Variants in RHOT1 observed in about 807,000 individuals in gnomAD.
RHOT1 encodes ras homolog family member T1.
A neutral mutation model predicts 95.3 loss-of-function variants in RHOT1; 27 were observed. The observed-to-expected ratio is 0.28, with a 90% CI of 0.21 to 0.39. The LOEUF (loss-of-function observed/expected upper bound fraction) is 0.39. Ranked by LOEUF, RHOT1 falls within the 10% of genes least tolerant of loss-of-function variation. The pLI is 1.00. For synonymous variants in RHOT1, 227 were observed against 263.5 expected (o/e 0.86, Z 1.34); for missense variants, 578 against 786.7 (o/e 0.73, Z 3.17).
chr17:32,211,682 AAAC>A (rs149585434), intron 19 of RHOT1, among the ~76,000 whole-genome samples: 1,715 of 152,284 alleles, frequency 0.011, 32 homozygotes, highest in African/African-American at 0.039. Flanking sequence ...TTTGAGTTTG[AAAC>A]AATATTCTAT....
rs2037509359 is a variant in RHOT1 at position 32,203,926 on chromosome 17, T to C, written c.1369T>C (p.Tyr457His). Residue 457 changes from tyrosine to histidine, a missense_variant, in exon 16 of 20, where the codon TAT becomes CAT. Physicochemically the swap from Tyr to His is moderately conservative, Grantham distance 83. This residue lies in a region of RHOT1 where 296 missense variants were observed against 338.5 expected (regional missense o/e 0.87). Transcript: ENST00000545287. The stretch of plus-strand genomic sequence containing the variant: ...AATTCGTGAAGATCATAAATCCTAC[T>C]ATGCGATTAACACTGTTTATGTATA... ...KKIREDHKSY[Y>H]AINTVYVYGQ... 1 of 1,613,052 alleles carries C rather than the reference T, an allele frequency of 6.2e-7. No individual in the cohort carries two copies.
Position 32,175,949 on chromosome 17 carries a change from A to T in RHOT1, c.223-13A>T. 1.3e-6 allele frequency: 2 copies of T among 1,518,492 alleles called. No individual in the cohort carries two copies. Among genetic ancestry groups the T allele is most frequent in the Non-Finnish European group, 1.8e-6 (2 of 1,130,686 alleles). The allele number at this position is 1,518,492 out of a possible 1,614,324, so 94.1% of individuals were successfully genotyped here. On this transcript the variant is annotated splice_polypyrimidine_tract_variant and intron_variant, in intron 4 of 19. Transcript: ENST00000545287. ...ATTTTTAGATACGATTAATTTGTTAATTTTTCTTCTAGGCTAATGTCATCT... is the reference window on the plus strand; with the variant it reads ...ATTTTTAGATACGATTAATTTGTTATTTTTTCTTCTAGGCTAATGTCATCT...
rs555209974 is a variant in RHOT1, at chr17:32,213,031, G to A, written c.1862+1793G>A. On this transcript the variant is annotated intron_variant, in intron 19 of 19. Transcript: ENST00000545287. The stretch of plus-strand genomic sequence containing the variant: ...GCAGCTGTTTTTCACAATTAGGACA[G>A]CATCTGTCTAGGGCATGAATTAACT... Among the ~76,000 whole-genome samples the A allele has an allele frequency of 7.9e-5, 12 of 152,238 alleles. No homozygotes were observed. In the South Asian group the frequency reaches 2.5e-3, roughly 32 times the overall value.
chr17:32,166,711 G>C (rs1185704202), intron 1 of RHOT1, among the ~76,000 whole-genome samples: 1 of 152,142 alleles, frequency 6.6e-6, no homozygotes, highest in Non-Finnish European at 1.5e-5. Context: ...CTCTTCATCT[G>C]TTCAAGTTTT....
intron 3 of RHOT1, among the ~76,000 whole-genome samples, chr17:32,174,968 T>C (rs2034876688): frequency 6.6e-6 from 1 of 152,218 alleles, no homozygotes; most frequent in Admixed American, 6.5e-5. Flanking sequence ...CTTTTGATCC[T>C]GTGTGTATAG....
At chr17:32,215,547 T>C (rs2038416757) in intron 19 of RHOT1, among the ~76,000 whole-genome samples, 1 of 146,208 alleles carries the variant, frequency 6.8e-6, no homozygotes, top group South Asian at 2.3e-4. Flanking sequence ...ATTTTTTAAC[T>C]TTGGTTATAT....
chr17:32,152,899 G>GCTCA (rs2032494574), intron 1 of RHOT1, among the ~76,000 whole-genome samples: 1 of 151,950 alleles, frequency 6.6e-6, no homozygotes, highest in Non-Finnish European at 1.5e-5. Flanking sequence ...GACTTCCTGG[G>GCTCA]CTCAGGTGAT....
intron 1 of RHOT1, among the ~76,000 whole-genome samples, chr17:32,164,270 C>T (rs1260189184): frequency 7.2e-5 from 11 of 151,920 alleles, no homozygotes; most frequent in South Asian, 2.1e-4. Context: ...AGTGTCGCTC[C>T]GTCGCCAGGC....
chr17:32,159,936 T>C (rs1231236589), intron 1 of RHOT1: 1 of 152,264 alleles, frequency 6.6e-6, no homozygotes, highest in African/African-American at 2.4e-5. Flanking sequence ...CAGACCAGTG[T>C]GGGAACTTGT....
At chr17:32,210,048 C>T (rs2038021176) in intron 18 of RHOT1, among the ~76,000 whole-genome samples, 2 of 151,888 alleles carry the variant, frequency 1.3e-5, no homozygotes, top group Non-Finnish European at 2.9e-5. Flanking sequence ...TGGAATGCTG[C>T]TAATCGTTAC....
chr17:32,173,054 C>T (rs2034704894), intron 2 of RHOT1: 1 of 152,168 alleles, frequency 6.6e-6, no homozygotes, highest in Non-Finnish European at 1.5e-5. Context: ...ATCCAAGAAT[C>T]CACTGAGTCT....
intron 10 of RHOT1, 142 bp downstream of exon 10, chr17:32,193,386 T>A: frequency 1.5e-6 from 1 of 650,028 alleles, no homozygotes; most frequent in Non-Finnish European, 2.7e-6. Context: ...TGGATATTTA[T>A]GAGTTGGGAG....
Position 32,224,844 on chromosome 17 carries a change from T to A in RHOT1, c.*111T>A. On this transcript the variant is annotated 3_prime_UTR_variant, in exon 20 of 20. Coordinates refer to ENST00000545287, the MANE Select transcript of RHOT1 (RefSeq NM_001033566.3). ...ATTTATACATGCAGAGTTACTTTATTAATATTTGTAATTCATGCATAAGAG... is the reference window on the plus strand; with the variant it reads ...ATTTATACATGCAGAGTTACTTTATAAATATTTGTAATTCATGCATAAGAG... The A allele has an allele frequency of 4.7e-6, 3 of 633,342 alleles. No homozygotes were observed. Among genetic ancestry groups the A allele is most frequent in the Non-Finnish European group, 8.3e-6 (3 of 363,116 alleles). The allele number at this position is 633,342 out of a possible 1,614,324, so 39.2% of individuals were successfully genotyped here. A position where few individuals can be genotyped will look rare whatever the true frequency, so the allele number is the denominator to read the frequency against.
chr17:32,175,383 G>C lies in RHOT1; in HGVS notation c.222+21G>C, dbSNP rs1293075538. The C allele has an allele frequency of 2.5e-6, 4 of 1,603,682 alleles. No homozygotes were observed. In the Admixed American group the frequency reaches 6.7e-5, roughly 27 times the overall value. The stretch of plus-strand genomic sequence containing the variant: ...CTCAGGTGAGCTTTAAAAAACAGAG[G>C]TGTGGGGTTTTGTGTAGAAAAACAG... On this transcript the variant is annotated intron_variant, in intron 4 of 19. Transcript: ENST00000545287.
chr17:32,199,146 A>G, intron 12 of RHOT1, 115 bp downstream of exon 12: 1 of 866,986 alleles, frequency 1.2e-6, no homozygotes. Context: ...AAACTGCTTA[A>G]CCTCTCTAAG....
chr17:32,222,151 C>T (rs1304308656), intron 19 of RHOT1, among the ~76,000 whole-genome samples: 1 of 152,028 alleles, frequency 6.6e-6, no homozygotes, highest in African/African-American at 2.4e-5. Flanking sequence ...CACAGGGAGG[C>T]CAAAGATGAA....
At chr17:32,171,433 T>C (rs1317467980) in intron 2 of RHOT1, among the ~76,000 whole-genome samples, 1 of 152,230 alleles carries the variant, frequency 6.6e-6, no homozygotes, top group Admixed American at 6.5e-5. Flanking sequence ...CCTGTATCTA[T>C]GAAATACAGT....
intron 8 of RHOT1, among the ~76,000 whole-genome samples, chr17:32,184,657 A>AT (rs890825371): frequency 1.3e-5 from 2 of 150,926 alleles, no homozygotes; most frequent in Non-Finnish European, 3.0e-5. Context: ...TGCCCAGCTG[A>AT]TTTTTTTTAC....
intron 1 of RHOT1, among the ~76,000 whole-genome samples, chr17:32,161,654 C>T (rs2033567607): frequency 6.6e-6 from 1 of 152,146 alleles, no homozygotes. Context: ...CAGGAATGAC[C>T]AGGGACAGCT....
Sources: gnomAD v4.1 joint callset for allele counts (sites outside exome capture counted in the v4.1 genomes callset) on GRCh38, gnomAD v4.1.1 for gene constraint, gnomAD v4.1.1 regional missense constraint, MANE v1.5 for transcripts, NCBI Gene and HGNC (gene_info 2026-07-23, HGNC 2026-07-21) for gene names.